AKAP19: variants seen among roughly 807,000 people sequenced by gnomAD.
The protein encoded by AKAP19 is A-kinase anchoring protein 19.
the AKAP19 span, among the ~76,000 whole-genome samples, chr2:190,197,314 T>C: frequency 1.3e-5 from 2 of 152,180 alleles, no homozygotes; most frequent in African/African-American, 4.8e-5. The surrounding 1 kb of genome is among the most constrained non-coding windows in gnomAD (Gnocchi z 4.0). Flanking sequence ...ACGAAAGTGT[T>C]CAATGAGATT....
At chr2:190,177,560 G>A in the AKAP19 span, among the ~76,000 whole-genome samples, 1 of 152,290 alleles carries the variant, frequency 6.6e-6, no homozygotes, top group East Asian at 1.9e-4. The surrounding 1 kb of genome is among the most constrained non-coding windows in gnomAD (Gnocchi z 4.6). Context: ...CTGCCTCGCC[G>A]GCATAACCTC....
chr2:190,176,556 G>A, the AKAP19 span, among the ~76,000 whole-genome samples: 2 of 152,052 alleles, frequency 1.3e-5, no homozygotes, highest in African/African-American at 2.4e-5. The surrounding 1 kb of genome is among the most constrained non-coding windows in gnomAD (Gnocchi z 4.7). Context: ...CAGTATGTTG[G>A]CCAGGCTGGT....
the AKAP19 span, among the ~76,000 whole-genome samples, chr2:190,196,522 CTT>C: frequency 3.7e-5 from 5 of 135,844 alleles, no homozygotes; most frequent in Admixed American, 7.4e-5. Context: ...AATGCTGGGT[CTT>C]TTTTTTTTTT....
chr2:189,995,154 A>G, the AKAP19 span, among the ~76,000 whole-genome samples: 1 of 152,134 alleles, frequency 6.6e-6, no homozygotes, highest in Non-Finnish European at 1.5e-5. Context: ...GTTCTAGGGT[A>G]TAGTTTAAGT....
the AKAP19 span, among the ~76,000 whole-genome samples, chr2:190,191,808 T>C: frequency 6.6e-6 from 1 of 152,226 alleles, no homozygotes; most frequent in African/African-American, 2.4e-5. Flanking sequence ...TTTTCTAAAC[T>C]GGGTTGTTGT....
the AKAP19 span, among the ~76,000 whole-genome samples, chr2:190,173,114 C>CAAA: frequency 1.4e-5 from 2 of 144,038 alleles, no homozygotes; most frequent in South Asian, 2.2e-4. Context: ...GACTCCATCT[C>CAAA]AAAAAAAATA....
the AKAP19 span, among the ~76,000 whole-genome samples, chr2:190,152,808 G>A: frequency 6.6e-6 from 1 of 151,522 alleles, no homozygotes; most frequent in East Asian, 1.9e-4. Context: ...TTATTAGAAA[G>A]TTTCTCCTCT....
chr2:190,164,396 C>T, the AKAP19 span, among the ~76,000 whole-genome samples: 3 of 151,954 alleles, frequency 2.0e-5, no homozygotes, highest in Non-Finnish European at 2.9e-5. Flanking sequence ...ATTAGGCATG[C>T]GTGGTGGCAC....
At chr2:190,022,613 T>C in the AKAP19 span, among the ~76,000 whole-genome samples, 18 of 152,306 alleles carry the variant, frequency 1.2e-4, no homozygotes, top group East Asian at 3.5e-3. Context: ...TGCTGCTGAC[T>C]AGATAGGTGA....
chr2:189,940,507 G>T, the AKAP19 span, among the ~76,000 whole-genome samples: 1 of 151,952 alleles, frequency 6.6e-6, no homozygotes, highest in African/African-American at 2.4e-5. Flanking sequence ...ACAAGATATA[G>T]AAAATTACTT....
the AKAP19 span, among the ~76,000 whole-genome samples, chr2:189,992,041 A>G: frequency 8.1e-6 from 1 of 123,238 alleles, no homozygotes; most frequent in East Asian, 2.4e-4. Flanking sequence ...ATACTCACCT[A>G]TTAAATAGAT....
At chr2:190,186,802 TG>T in the AKAP19 span, among the ~76,000 whole-genome samples, 475 of 152,316 alleles carry the variant, frequency 3.1e-3, 1 homozygote, top group African/African-American at 0.011. This position sits in a 1 kb window ranked among gnomAD's most constrained non-coding sequence, Gnocchi z 5.5. Context: ...ATGACAAATA[TG>T]TTACTAGGAA....
chr2:189,942,792 G>A, the AKAP19 span, among the ~76,000 whole-genome samples: 7 of 152,232 alleles, frequency 4.6e-5, no homozygotes, highest in Non-Finnish European at 7.3e-5. Flanking sequence ...TGTTCATGCC[G>A]TAGGAATCTG....
chr2:189,973,827 A>G, the AKAP19 span, among the ~76,000 whole-genome samples: 1 of 151,890 alleles, frequency 6.6e-6, no homozygotes, highest in Admixed American at 6.6e-5. Flanking sequence ...ATTGGTGGTG[A>G]TATCCCCTTT....
the AKAP19 span, among the ~76,000 whole-genome samples, chr2:190,160,259 G>A: frequency 7.3e-4 from 111 of 152,118 alleles, no homozygotes; most frequent in African/African-American, 2.5e-3. Context: ...GGCTGCTATT[G>A]GACATTGTTC....
chr2:189,960,229 C>G, the AKAP19 span, among the ~76,000 whole-genome samples: 1 of 152,114 alleles, frequency 6.6e-6, no homozygotes, highest in African/African-American at 2.4e-5. Flanking sequence ...ACTAAACTAC[C>G]CATCCTTATA....
the AKAP19 span, chr2:189,923,827 T>G: frequency 5.6e-6 from 9 of 1,610,746 alleles, no homozygotes; most frequent in East Asian, 2.0e-4. Flanking sequence ...ATTCTAAGAG[T>G]GGACAGCGGG....
the AKAP19 span, among the ~76,000 whole-genome samples, chr2:190,196,798 TTC>T: frequency 6.6e-6 from 1 of 152,186 alleles, no homozygotes; most frequent in African/African-American, 2.4e-5. Context: ...ATTATCTGGC[TTC>T]TTTTGTGCTA....
chr2:190,049,992 T>A, the AKAP19 span, among the ~76,000 whole-genome samples: 1 of 152,192 alleles, frequency 6.6e-6, no homozygotes, highest in African/African-American at 2.4e-5. Context: ...GGATAAAATT[T>A]TAGAAGTGGA....
Sources: gnomAD v4.1 joint callset for allele counts (sites outside exome capture counted in the v4.1 genomes callset) on GRCh38, gnomAD v4.1.1 for gene constraint, Gnocchi (gnomAD v3.1) non-coding constraint, MANE v1.5 for transcripts, NCBI Gene and HGNC (gene_info 2026-07-23, HGNC 2026-07-21) for gene names.